HERC4: variants seen among roughly 807,000 people sequenced by gnomAD.
The protein encoded by HERC4 is HECT and RLD domain containing E3 ubiquitin protein ligase 4.
A neutral mutation model predicts 124.3 loss-of-function variants in HERC4; 28 were observed. The observed-to-expected ratio is 0.23, with a 90% CI of 0.17 to 0.31. The LOEUF is 0.31. HERC4 is among the 10% of genes least tolerant of loss of function. HERC4 has a pLI of 1.00. For synonymous variants in HERC4, 407 were observed against 421.5 expected (o/e 0.97, Z 0.42); for missense variants, 713 against 1,229.3 (o/e 0.58, Z 6.28).
intron 19 of HERC4, among the ~76,000 whole-genome samples, chr10:67,953,588 A>G (rs1257565745): frequency 6.6e-6 from 1 of 152,210 alleles, no homozygotes; most frequent in Non-Finnish European, 1.5e-5. Flanking sequence ...AGCATCAATG[A>G]AGACAATAAC....
intron 19 of HERC4, among the ~76,000 whole-genome samples, chr10:67,942,808 C>CTCCT (rs2033026727): frequency 6.6e-6 from 1 of 152,152 alleles, no homozygotes; most frequent in Non-Finnish European, 1.5e-5. Context: ...ACTGCGCCAG[C>CTCCT]TCCTGTTCCA....
Position 67,948,130 on chromosome 10 carries a change from G to A in HERC4, c.2337+6465C>T, listed in dbSNP as rs981679551. On this transcript the variant is annotated intron_variant, in intron 19 of 24. Coordinates refer to ENST00000373700, the MANE Select transcript of HERC4 (RefSeq NM_015601.4). The stretch of plus-strand genomic sequence containing the variant: ...AGTGTTCAGAGGGAAACTAATAGTT[G>A]TAAACACTTAAACTAAAAAAAAGGG... Among the ~76,000 whole-genome samples, 8 of 133,188 alleles carry A rather than the reference G, an allele frequency of 6.0e-5. 1 individual carries two copies. The Admixed American group carries it at 6.5e-4, about 11-fold the overall frequency. 87.4% of individuals were successfully genotyped at this position (133,188 alleles called of 152,430 possible).
chr10:67,935,729 A>G (rs575209260), intron 22 of HERC4, among the ~76,000 whole-genome samples: 73 of 152,162 alleles, frequency 4.8e-4, no homozygotes, highest in Non-Finnish European at 8.7e-4. Context: ...TTTAAATCCA[A>G]TGTTAGCATG....
chr10:68,065,433 G>A (rs1257361942), intron 3 of HERC4, among the ~76,000 whole-genome samples: 1 of 152,088 alleles, frequency 6.6e-6, no homozygotes, highest in Non-Finnish European at 1.5e-5. Flanking sequence ...AAGGATTCCA[G>A]AATGTCTTAT....
chr10:68,016,539 G>C (rs1408480371), intron 8 of HERC4, among the ~76,000 whole-genome samples: 6 of 152,050 alleles, frequency 3.9e-5, no homozygotes, highest in Non-Finnish European at 7.4e-5. Flanking sequence ...TTTTAGTAGA[G>C]ATGGGGTTTC....
chr10:68,044,863 T>C (rs2039939626), intron 3 of HERC4, among the ~76,000 whole-genome samples: 1 of 152,092 alleles, frequency 6.6e-6, no homozygotes, highest in South Asian at 2.1e-4. Context: ...TTATAAAGAT[T>C]CTCTCAGAAT....
At chr10:67,967,283 G>T (rs1319242583) in intron 15 of HERC4, among the ~76,000 whole-genome samples, 1 of 152,136 alleles carries the variant, frequency 6.6e-6, no homozygotes, top group African/African-American at 2.4e-5. Flanking sequence ...TGCTATGGGA[G>T]ACACAAAGAT....
intron 23 of HERC4, among the ~76,000 whole-genome samples, chr10:67,928,736 T>C (rs1032236722): frequency 2.0e-5 from 3 of 151,942 alleles, no homozygotes; most frequent in African/African-American, 7.3e-5. Context: ...GCCTGCCCAA[T>C]ATGGCGAAAC....
chr10:68,061,105 A>G (rs1425245638), intron 3 of HERC4, among the ~76,000 whole-genome samples: 1 of 152,128 alleles, frequency 6.6e-6, no homozygotes. Flanking sequence ...GTATTTCCCA[A>G]TAGCTCTTGC....
At chr10:67,989,145 T>C (rs187725048) in intron 14 of HERC4, among the ~76,000 whole-genome samples, 1 of 152,212 alleles carries the variant, frequency 6.6e-6, no homozygotes, top group East Asian at 1.9e-4. Context: ...AACCAGTTTT[T>C]AAAAAATGTT....
chr10:68,059,684 A>ATTATATATTATATTATATATC (rs1172044822), intron 3 of HERC4, among the ~76,000 whole-genome samples: 1 of 52,558 alleles, frequency 1.9e-5, no homozygotes, highest in African/African-American at 2.0e-4. Flanking sequence ...TATATATCAT[A>ATTATATATTATATTATATATC]ATATTATATA....
chr10:68,071,109 AATCCTAAAGAGGT>A (rs1469533543), intron 3 of HERC4, among the ~76,000 whole-genome samples: 1 of 152,200 alleles, frequency 6.6e-6, no homozygotes, highest in African/African-American at 2.4e-5. Flanking sequence ...ACAATGAGGC[AATCCTAAAGAGGT>A]ATCCCAAATT....
chr10:67,968,961 T>C (rs186757859), intron 15 of HERC4, among the ~76,000 whole-genome samples: 1 of 152,306 alleles, frequency 6.6e-6, no homozygotes, highest in Non-Finnish European at 1.5e-5. Flanking sequence ...CTTCACCTAA[T>C]AATTGTACAT....
At chr10:68,003,413 T>A (rs2037356974) in intron 9 of HERC4, among the ~76,000 whole-genome samples, 1 of 151,234 alleles carries the variant, frequency 6.6e-6, no homozygotes, top group Non-Finnish European at 1.5e-5. Flanking sequence ...GACCTCATGA[T>A]CTGCCCGCCT....
intron 3 of HERC4, chr10:68,070,202 C>T: frequency 1.0e-6 from 1 of 984,446 alleles, no homozygotes; most frequent in Non-Finnish European, 1.2e-6. Flanking sequence ...TCCTCAAATT[C>T]ACAAATTTAA....
Position 68,034,199 on chromosome 10 carries a change from A to G in HERC4, c.464-13T>C, listed in dbSNP as rs778600528. On this transcript the variant is annotated splice_polypyrimidine_tract_variant and intron_variant, in intron 5 of 24. Transcript: ENST00000373700. Reference sequence around the variant, plus strand: ...AAGACTTCACTTGCTGTAAAACAGTAATGGAAAAATTAACCATTTTTCTCA... The same window carrying G: ...AAGACTTCACTTGCTGTAAAACAGTGATGGAAAAATTAACCATTTTTCTCA... 6.4e-7 allele frequency: 1 copy of G among 1,563,368 alleles called. No individual in the cohort carries two copies. Among genetic ancestry groups the G allele is most frequent in the Non-Finnish European group, 8.7e-7 (1 of 1,147,640 alleles).
At chr10:68,002,278 C>T (rs186309421) in intron 9 of HERC4, among the ~76,000 whole-genome samples, 1 of 152,246 alleles carries the variant, frequency 6.6e-6, no homozygotes, top group East Asian at 1.9e-4. Flanking sequence ...TCTATTAACA[C>T]ACACGTGACT....
chr10:68,026,268 T>C (rs1377829295), intron 7 of HERC4, among the ~76,000 whole-genome samples: 1 of 152,034 alleles, frequency 6.6e-6, no homozygotes, highest in East Asian at 1.9e-4. Context: ...GCTAATTTTT[T>C]ACTTTTTTGT....
intron 4 of HERC4, among the ~76,000 whole-genome samples, chr10:68,043,533 T>C (rs2039872040): frequency 6.6e-6 from 1 of 152,158 alleles, no homozygotes; most frequent in Admixed American, 6.5e-5. Flanking sequence ...AAACAATGAT[T>C]AGCCAGGCAC....
Sources: gnomAD v4.1 joint callset for allele counts (sites outside exome capture counted in the v4.1 genomes callset) on GRCh38, gnomAD v4.1.1 for gene constraint, MANE v1.5 for transcripts, NCBI Gene and HGNC (gene_info 2026-07-23, HGNC 2026-07-21) for gene names.